The following RAP2A variants were observed in gnomAD, a reference collection of about 807,000 sequenced individuals.
RAP2A encodes ras-related protein Rap-2a.
A neutral mutation model predicts 15.1 loss-of-function variants in RAP2A; 5 were observed. That is an observed-to-expected ratio of 0.33 (90% CI 0.17 to 0.70). The LOEUF is 0.70. Among genes scored for constraint, RAP2A ranks in the 30% least tolerant of loss-of-function variants. The pLI, the probability that RAP2A is intolerant of heterozygous loss-of-function variation, is 0.68. For missense variants in RAP2A, 111 were observed against 240.3 expected (o/e 0.46, Z 3.56); for synonymous variants, 110 against 99.7 (o/e 1.10, Z -0.62).
chr13:97,435,486 A>AC (rs2066630010), intron 1 of RAP2A, among the ~76,000 whole-genome samples: 1 of 149,666 alleles, frequency 6.7e-6, no homozygotes, highest in Admixed American at 6.7e-5. Context: ...AAAAAAAAAA[A>AC]ACACCACCAC....
chr13:97,462,771 T>A (rs2066753380), intron 1 of RAP2A, among the ~76,000 whole-genome samples: 1 of 152,224 alleles, frequency 6.6e-6, no homozygotes, highest in African/African-American at 2.4e-5. Flanking sequence ...GAGTATGCCC[T>A]CTTGTTGAGA....
intron 1 of RAP2A, 118 bp downstream of exon 1, chr13:97,434,902 G>C: frequency 1.4e-6 from 2 of 1,387,550 alleles, no homozygotes; most frequent in South Asian, 2.8e-5. Flanking sequence ...CCAAGCTGGA[G>C]GCTTTACTAT....
Position 97,434,323 on chromosome 13 carries a change from C to G in RAP2A, c.-148C>G. 1 of 496,164 alleles carries G rather than the reference C, an allele frequency of 2.0e-6. No homozygotes were observed. Among genetic ancestry groups the G allele is most frequent in the Non-Finnish European group, 2.6e-6 (1 of 388,130 alleles). 30.7% of individuals were successfully genotyped at this position (496,164 alleles called of 1,614,324 possible). ...CTCCCTCAGTTGCCGCCGCCGCCGCCGGCGCCCAGGGGGCCGCCGCGGCTG... is the reference window on the plus strand; with the variant it reads ...CTCCCTCAGTTGCCGCCGCCGCCGCGGGCGCCCAGGGGGCCGCCGCGGCTG... On this transcript the variant is annotated 5_prime_UTR_variant, in exon 1 of 2. Coordinates refer to ENST00000245304, the MANE Select transcript of RAP2A (RefSeq NM_021033.7).
rs2153179719 is a variant in RAP2A, at chr13:97,450,171, A to C, written c.315-14034A>C. On this transcript the variant is annotated intron_variant, in intron 1 of 1. Coordinates refer to ENST00000245304, the MANE Select transcript of RAP2A (RefSeq NM_021033.7). ...TTCTTCATTCAGAGGTAGCTTTAAA[A>C]AAGTAGTGTAATTGAACTTTGTGTA... Among the ~76,000 whole-genome samples the C allele has an allele frequency of 2.0e-5, 3 of 152,302 alleles. 1 individual carries two copies. In the South Asian group the frequency reaches 6.2e-4, roughly 32 times the overall value.
rs2066762289 is a variant in RAP2A at position 97,464,565 on chromosome 13, T to C, written c.*123T>C. On this transcript the variant is annotated 3_prime_UTR_variant, in exon 2 of 2. Transcript: ENST00000245304. ...AATCTACAGAGAACTGCAGCCCTTA[T>C]TCAGAATTGAGCAGTGATTGTCAGT... is the stretch of plus-strand genomic sequence containing the variant. 2 of 896,890 alleles carry C rather than the reference T, an allele frequency of 2.2e-6. No homozygotes were observed. The highest frequency in any genetic ancestry group is 1.6e-5 in the South Asian group (1 of 64,198). The allele number at this position is 896,890 out of a possible 1,614,324, so 55.6% of individuals were successfully genotyped here.
chr13:97,449,528 A>G (rs1218303388), intron 1 of RAP2A, among the ~76,000 whole-genome samples: 1 of 152,062 alleles, frequency 6.6e-6, no homozygotes, highest in African/African-American at 2.4e-5. Flanking sequence ...AGACTATTGG[A>G]CACTCTGTTG....
At chr13:97,446,159 A>G (rs1391519500) in intron 1 of RAP2A, among the ~76,000 whole-genome samples, 1 of 152,140 alleles carries the variant, frequency 6.6e-6, no homozygotes, top group Non-Finnish European at 1.5e-5. Context: ...GTTCAGGTCT[A>G]TGCTTGTTGT....
In RAP2A at chr13:97,468,809, T is replaced by C. The variant is rs2066783426; in HGVS notation, c.*4367T>C. 2 of 152,234 alleles carry C rather than the reference T, an allele frequency of 1.3e-5. No homozygotes were observed. Among genetic ancestry groups the C allele is most frequent in the South Asian group, 4.1e-4 (2 of 4,832 alleles). 9.4% of individuals were successfully genotyped at this position (152,234 alleles called of 1,614,324 possible). A position where few individuals can be genotyped will look rare whatever the true frequency, so the allele number is the denominator to read the frequency against. ...ATAGTGGATAGTTGGAAGAACGTCTTTGAGGCTAAAAAGTAGTACTCTGAA... is the reference window on the plus strand; with the variant it reads ...ATAGTGGATAGTTGGAAGAACGTCTCTGAGGCTAAAAAGTAGTACTCTGAA... On this transcript the variant is annotated 3_prime_UTR_variant, in exon 2 of 2. Transcript: ENST00000245304.
intron 1 of RAP2A, among the ~76,000 whole-genome samples, chr13:97,450,126 C>G (rs1329026154): frequency 6.6e-6 from 1 of 152,148 alleles, no homozygotes; most frequent in African/African-American, 2.4e-5. Context: ...TCATAGCTTT[C>G]AAGCTTCTTT....
chr13:97,462,894 T>G (rs1230505485), intron 1 of RAP2A, among the ~76,000 whole-genome samples: 1 of 152,238 alleles, frequency 6.6e-6, no homozygotes, highest in African/African-American at 2.4e-5. Flanking sequence ...TGAAGAAATC[T>G]GTGGAAGTAT....
At chr13:97,440,728 C>T (rs980233375) in intron 1 of RAP2A, among the ~76,000 whole-genome samples, 1 of 152,134 alleles carries the variant, frequency 6.6e-6, no homozygotes, top group Non-Finnish European at 1.5e-5. Flanking sequence ...GATAAGCATA[C>T]ACTTGTGAAA....
At chr13:97,460,426 C>T (rs2066741318) in intron 1 of RAP2A, among the ~76,000 whole-genome samples, 1 of 152,174 alleles carries the variant, frequency 6.6e-6, no homozygotes, top group Non-Finnish European at 1.5e-5. Context: ...CTTCAAGAAA[C>T]TCAGGAAACC....
At chr13:97,436,629 TGCA>T (rs1448123377) in intron 1 of RAP2A, among the ~76,000 whole-genome samples, 1 of 152,332 alleles carries the variant, frequency 6.6e-6, no homozygotes, top group South Asian at 2.1e-4. Context: ...TGTAATTTAG[TGCA>T]GATTACTTTT....
intron 1 of RAP2A, among the ~76,000 whole-genome samples, chr13:97,445,395 T>C (rs2066675364): frequency 6.6e-6 from 1 of 152,230 alleles, no homozygotes; most frequent in African/African-American, 2.4e-5. Context: ...CATACATGCA[T>C]ACATACATAG....
At chr13:97,447,316 C>T (rs1246791565) in intron 1 of RAP2A, among the ~76,000 whole-genome samples, 2 of 152,196 alleles carry the variant, frequency 1.3e-5, no homozygotes, top group Non-Finnish European at 2.9e-5. Flanking sequence ...ACTGTTTATA[C>T]TCATAGTCTG....
At chr13:97,448,120 T>A (rs2066687231) in intron 1 of RAP2A, among the ~76,000 whole-genome samples, 1 of 152,184 alleles carries the variant, frequency 6.6e-6, no homozygotes, top group African/African-American at 2.4e-5. Context: ...TTGGAAAAGA[T>A]GGTATTAGAT....
intron 1 of RAP2A, among the ~76,000 whole-genome samples, chr13:97,439,753 G>A (rs1282489390): frequency 1.3e-5 from 2 of 152,158 alleles, no homozygotes; most frequent in Non-Finnish European, 2.9e-5. Flanking sequence ...AATGAGGAAT[G>A]AATGAATATA....
intron 1 of RAP2A, among the ~76,000 whole-genome samples, chr13:97,460,166 ACCT>A (rs1005015596): frequency 2.0e-4 from 30 of 151,352 alleles, no homozygotes; most frequent in African/African-American, 7.1e-4. Flanking sequence ...TAGAAGTGAA[ACCT>A]CCTGCTTATG....
intron 1 of RAP2A, chr13:97,437,719 C>T (rs2066640335): frequency 1.3e-5 from 2 of 152,198 alleles, no homozygotes; most frequent in South Asian, 2.1e-4. Flanking sequence ...TTGGTATTCT[C>T]TTGAAATTAT....
Sources: gnomAD v4.1 joint callset for allele counts (sites outside exome capture counted in the v4.1 genomes callset) on GRCh38, gnomAD v4.1.1 for gene constraint, MANE v1.5 for transcripts, NCBI Gene and HGNC (gene_info 2026-07-23, HGNC 2026-07-21) for gene names.